The following ODAD2 variants were observed in gnomAD, a reference collection of about 807,000 sequenced individuals.
ODAD2 encodes the protein outer dynein arm docking complex subunit 2, also known as outer dynein arm-docking complex subunit 2.
In ODAD2, 89 loss-of-function variants were observed where a neutral mutation model predicts 106.8. The ratio of observed to expected loss-of-function variants is 0.83; its 90% CI spans 0.70 to 0.99. The LOEUF (loss-of-function observed/expected upper bound fraction) is 0.99, where lower values mean the gene tolerates loss of function less well. Ranked by LOEUF, ODAD2 falls within the 50% of genes least tolerant of loss-of-function variation. The pLI is 0.00. For missense variants in ODAD2, 1,168 were observed against 1,238.5 expected (o/e 0.94, Z 0.85); for synonymous variants, 404 against 436.2 (o/e 0.93, Z 0.92).
At chr10:27,920,792 A>G (rs1481353809) in intron 16 of ODAD2, among the ~76,000 whole-genome samples, 1 of 152,184 alleles carries the variant, frequency 6.6e-6, no homozygotes, top group African/African-American at 2.4e-5. Context: ...TCTCTTCTGT[A>G]TACAAACAAG....
intron 17 of ODAD2, among the ~76,000 whole-genome samples, chr10:27,871,205 T>C (rs1487496266): frequency 7.9e-5 from 12 of 152,166 alleles, no homozygotes. Context: ...TGGGGTTGTT[T>C]GTTTTTTTCT....
chr10:27,868,308 C>G (rs1840604193), intron 17 of ODAD2, among the ~76,000 whole-genome samples: 1 of 152,050 alleles, frequency 6.6e-6, no homozygotes, highest in African/African-American at 2.4e-5. Flanking sequence ...TAAAATTTGA[C>G]CTAGAAATCC....
intron 19 of ODAD2, among the ~76,000 whole-genome samples, chr10:27,850,437 T>C (rs1235932129): frequency 1.9e-5 from 2 of 103,352 alleles, no homozygotes; most frequent in Non-Finnish European, 3.6e-5. Context: ...AGAGCGAGAC[T>C]CCGTCTCAAA....
intron 16 of ODAD2, among the ~76,000 whole-genome samples, chr10:27,916,649 A>G (rs917810714): frequency 1.3e-5 from 2 of 152,114 alleles, no homozygotes; most frequent in South Asian, 4.1e-4. Context: ...CTTCCACTTA[A>G]TGAATAGTAA....
chr10:27,842,744 A>C (rs557325776), intron 19 of ODAD2, among the ~76,000 whole-genome samples: 8 of 152,232 alleles, frequency 5.3e-5, no homozygotes, highest in Non-Finnish European at 1.2e-4. Flanking sequence ...AATTCTGAAC[A>C]AACAAAATAT....
chr10:27,961,189 A>C (rs1326900328), intron 10 of ODAD2, among the ~76,000 whole-genome samples: 1 of 152,198 alleles, frequency 6.6e-6, no homozygotes, highest in Admixed American at 6.5e-5. Flanking sequence ...TCAAAACTGT[A>C]ACGTTTCAAC....
chr10:27,972,900 C>G (rs1848950992), intron 7 of ODAD2, among the ~76,000 whole-genome samples: 1 of 152,066 alleles, frequency 6.6e-6, no homozygotes, highest in Admixed American at 6.6e-5. Flanking sequence ...AATCAGACAA[C>G]TTGGCTTAAT....
At chr10:27,852,467 C>A (rs1237967876) in intron 19 of ODAD2, among the ~76,000 whole-genome samples, 5 of 152,122 alleles carry the variant, frequency 3.3e-5, no homozygotes, top group African/African-American at 1.2e-4. Context: ...CTAGAACTTA[C>A]ATTATACTGA....
rs1479874986 is a variant in ODAD2, at chr10:27,940,710, C to T, written c.1839G>A (p.Leu613=). The stretch of plus-strand genomic sequence containing the variant: ...GACTCTTACTGCAGCTCCACAGGGC[C>T]AGTGCCCCACAGCGAGCCACTTCCA... The part of the protein sequence containing the change: ...RDVEVARCGA[L]ALWSCSKSHT... Residue 613 remains leucine (L), a synonymous_variant, in exon 13 of 20, where the codon CTG becomes CTA. Transcript: ENST00000305242. 2 of 1,614,120 alleles carry T rather than the reference C, an allele frequency of 1.2e-6. No individual in the cohort carries two copies. Among genetic ancestry groups the T allele is most frequent in the South Asian group, 2.2e-5 (2 of 91,082 alleles).
intron 19 of ODAD2, among the ~76,000 whole-genome samples, chr10:27,837,642 T>C (rs895826868): frequency 2.0e-5 from 3 of 152,224 alleles, no homozygotes; most frequent in African/African-American, 7.2e-5. Flanking sequence ...ATTCCCTCTC[T>C]CTGCCAGGAT....
chr10:27,833,735 C>T (rs188145494), intron 19 of ODAD2, among the ~76,000 whole-genome samples: 2 of 152,220 alleles, frequency 1.3e-5, no homozygotes, highest in East Asian at 1.9e-4. Context: ...CAGGAGTAGA[C>T]AAGAAAGGCT....
chr10:27,943,795 C>CAAAAAAAAAAAAA (rs56059926), intron 12 of ODAD2, among the ~76,000 whole-genome samples: 4 of 58,642 alleles, frequency 6.8e-5, no homozygotes, highest in African/African-American at 1.5e-4. Context: ...GGCTCTGTCT[C>CAAAAAAAAAAAAA]AAAAAAAAAA....
intron 17 of ODAD2, among the ~76,000 whole-genome samples, chr10:27,874,795 C>T (rs559726112): frequency 6.6e-6 from 1 of 152,218 alleles, no homozygotes; most frequent in South Asian, 2.1e-4. Context: ...ACATTTTTTC[C>T]TTCATTTCAA....
intron 19 of ODAD2, among the ~76,000 whole-genome samples, chr10:27,859,457 T>C (rs927518466): frequency 1.3e-5 from 2 of 152,152 alleles, no homozygotes; most frequent in African/African-American, 4.8e-5. Context: ...AAATTGCCAA[T>C]TGGTATTTTA....
chr10:27,906,216 T>TG (rs1402937999), intron 17 of ODAD2, among the ~76,000 whole-genome samples: 1 of 152,106 alleles, frequency 6.6e-6, no homozygotes, highest in African/African-American at 2.4e-5. Flanking sequence ...GAAAAGACAC[T>TG]TCTCAAAAGA....
chr10:27,853,334 C>A, intron 19 of ODAD2: 1 of 277,482 alleles, frequency 3.6e-6, no homozygotes, highest in Non-Finnish European at 7.0e-6. Flanking sequence ...TGTCACTGCA[C>A]TCTAGCCTGG....
chr10:27,859,688 A>G (rs1839907602), intron 19 of ODAD2, among the ~76,000 whole-genome samples: 1 of 152,236 alleles, frequency 6.6e-6, no homozygotes, highest in Non-Finnish European at 1.5e-5. Flanking sequence ...CTAATATTTT[A>G]AATCAATTTT....
intron 19 of ODAD2, among the ~76,000 whole-genome samples, chr10:27,850,945 G>A (rs556058602): frequency 3.3e-3 from 497 of 152,270 alleles, no homozygotes; most frequent in Non-Finnish European, 5.4e-3. Context: ...CTGGAAGTCT[G>A]GGAGAACCAC....
At chr10:27,930,640 A>G (rs1845553288) in intron 16 of ODAD2, among the ~76,000 whole-genome samples, 1 of 151,682 alleles carries the variant, frequency 6.6e-6, no homozygotes, top group Non-Finnish European at 1.5e-5. Flanking sequence ...AAAAAAAAAA[A>G]GAAAAAGAAA....
Sources: allele counts gnomAD v4.1 joint callset (sites outside exome capture counted in the v4.1 genomes callset), GRCh38; gene constraint gnomAD v4.1.1; transcripts MANE v1.5; gene names NCBI Gene and HGNC (gene_info 2026-07-23, HGNC 2026-07-21).